SEMA6D: variants seen among roughly 807,000 people sequenced by gnomAD.
The protein encoded by SEMA6D is semaphorin-6D.
SEMA6D carries 35 observed loss-of-function variants against 106.6 expected under a neutral mutation model. The ratio of observed to expected loss-of-function variants is 0.33; its 90% CI spans 0.25 to 0.44. SEMA6D has a LOEUF of 0.44. Ranked by LOEUF, SEMA6D falls within the 20% of genes least tolerant of loss-of-function variation. SEMA6D has a pLI of 1.00. For missense variants in SEMA6D, 1,185 were observed against 1,345.9 expected (o/e 0.88, Z 1.87); for synonymous variants, 499 against 487.7 (o/e 1.02, Z -0.31).
At chr15:47,694,712 G>A (rs2078662987) in intron 4 of SEMA6D, among the ~76,000 whole-genome samples, 1 of 152,102 alleles carries the variant, frequency 6.6e-6, no homozygotes, top group African/African-American at 2.4e-5. Context: ...AAAAGATCAA[G>A]GCATGTGTCT....
At chr15:47,241,133 T>C (rs998646372) in intron 1 of SEMA6D, 2 of 152,298 alleles carry the variant, frequency 1.3e-5, no homozygotes, top group East Asian at 1.9e-4. Flanking sequence ...AATAAAACAA[T>C]GTGTAACCCA....
chr15:47,489,182 T>G (rs991186340), intron 3 of SEMA6D, among the ~76,000 whole-genome samples: 4 of 151,908 alleles, frequency 2.6e-5, no homozygotes, highest in African/African-American at 9.7e-5. Context: ...GAGACTGGAG[T>G]GACGCTGCCA....
At chr15:47,374,360 C>CAG (rs570193188) in intron 1 of SEMA6D, among the ~76,000 whole-genome samples, 119 of 152,192 alleles carry the variant, frequency 7.8e-4, no homozygotes, top group African/African-American at 2.7e-3. Context: ...AAGAATCAAG[C>CAG]AGAAAATTGT....
intron 2 of SEMA6D, among the ~76,000 whole-genome samples, chr15:47,423,553 AC>A (rs1176900783): frequency 6.6e-6 from 1 of 152,084 alleles, no homozygotes; most frequent in Non-Finnish European, 1.5e-5. Context: ...CTACAATTCA[AC>A]CTTTAGATGA....
intron 4 of SEMA6D, among the ~76,000 whole-genome samples, chr15:47,687,454 A>C (rs1240835041): frequency 6.6e-6 from 1 of 152,208 alleles, no homozygotes; most frequent in Non-Finnish European, 1.5e-5. Context: ...AATCTAAAAA[A>C]AAGAAAGAGA....
chr15:47,436,124 T>A (rs989985500), intron 2 of SEMA6D, among the ~76,000 whole-genome samples: 3 of 152,118 alleles, frequency 2.0e-5, no homozygotes, highest in Non-Finnish European at 4.4e-5. Flanking sequence ...TTGCGGTGGC[T>A]CATGCCTGTA....
intron 1 of SEMA6D, among the ~76,000 whole-genome samples, chr15:47,326,325 A>T (rs2037127925): frequency 6.6e-6 from 1 of 152,222 alleles, no homozygotes; most frequent in African/African-American, 2.4e-5. Flanking sequence ...TAACAAGTGC[A>T]GCAGTCACAC....
At chr15:47,560,441 T>C (rs2046045600) in intron 3 of SEMA6D, among the ~76,000 whole-genome samples, 1 of 151,716 alleles carries the variant, frequency 6.6e-6, no homozygotes, top group South Asian at 2.1e-4. Flanking sequence ...AAGAAAATAA[T>C]AAAGGGCTCA....
At chr15:47,233,849 C>G (rs1261906692) in intron 1 of SEMA6D, among the ~76,000 whole-genome samples, 1 of 151,912 alleles carries the variant, frequency 6.6e-6, no homozygotes, top group Non-Finnish European at 1.5e-5. Context: ...TATATAAGAT[C>G]AAATCATTCA....
chr15:47,653,276 CT>C (rs1217657857), intron 4 of SEMA6D, among the ~76,000 whole-genome samples: 3 of 152,174 alleles, frequency 2.0e-5, no homozygotes, highest in African/African-American at 7.2e-5. Flanking sequence ...TGTAAGCATG[CT>C]TAATGTGTGA....
At chr15:47,464,938 A>T (rs932590965) in intron 2 of SEMA6D, among the ~76,000 whole-genome samples, 1 of 152,110 alleles carries the variant, frequency 6.6e-6, no homozygotes, top group Non-Finnish European at 1.5e-5. Context: ...TTCTGCAAAT[A>T]ATCAGGTAAT....
intron 1 of SEMA6D, among the ~76,000 whole-genome samples, chr15:47,281,603 G>C (rs2035120541): frequency 6.6e-6 from 1 of 152,146 alleles, no homozygotes; most frequent in Non-Finnish European, 1.5e-5. Context: ...CTCGTTAGTT[G>C]ATGCAGTTTC....
At chr15:47,511,584 A>G (rs561963110) in intron 3 of SEMA6D, among the ~76,000 whole-genome samples, 12 of 152,210 alleles carry the variant, frequency 7.9e-5, no homozygotes, top group South Asian at 2.1e-4. Context: ...CCTCCTCCAT[A>G]GAGTTGGCCT....
At chr15:47,424,551 C>G (rs943365821) in intron 2 of SEMA6D, among the ~76,000 whole-genome samples, 4 of 152,048 alleles carry the variant, frequency 2.6e-5, no homozygotes, top group African/African-American at 9.7e-5. Flanking sequence ...TGTCTCTATC[C>G]TAGAGTTATT....
intron 3 of SEMA6D, among the ~76,000 whole-genome samples, chr15:47,494,235 C>A (rs2043562547): frequency 6.6e-6 from 1 of 152,076 alleles, no homozygotes. Context: ...CTGGGAATTA[C>A]TATAAACAGC....
At chr15:47,762,413 C>T in intron 8 of SEMA6D, 94 bp downstream of exon 8, 1 of 1,394,812 alleles carries the variant, frequency 7.2e-7, no homozygotes, top group Non-Finnish European at 9.9e-7. Context: ...CAGCGCATGA[C>T]TTTATATTGT....
intron 1 of SEMA6D, among the ~76,000 whole-genome samples, chr15:47,405,877 G>A (rs555696141): frequency 6.6e-6 from 1 of 152,088 alleles, no homozygotes; most frequent in Admixed American, 6.5e-5. Context: ...CCTCTTCCCA[G>A]CAGAACCAGG....
chr15:47,696,090 C>A (rs886512142), intron 4 of SEMA6D, among the ~76,000 whole-genome samples: 1 of 152,172 alleles, frequency 6.6e-6, no homozygotes, highest in African/African-American at 2.4e-5. Context: ...CTTCTCTTCA[C>A]TCACCCTTAA....
At chr15:47,501,670 C>T (rs2043852188) in intron 3 of SEMA6D, among the ~76,000 whole-genome samples, 1 of 152,134 alleles carries the variant, frequency 6.6e-6, no homozygotes, top group African/African-American at 2.4e-5. Context: ...GCAACAGTAA[C>T]AAGTGAGCTG....
Sources: gnomAD v4.1 joint callset for allele counts (sites outside exome capture counted in the v4.1 genomes callset) on GRCh38, gnomAD v4.1.1 for gene constraint, MANE v1.5 for transcripts, NCBI Gene and HGNC (gene_info 2026-07-23, HGNC 2026-07-21) for gene names.